Variants in KCND2 observed in about 807,000 individuals in gnomAD.
KCND2 encodes the protein A-type voltage-gated potassium channel KCND2.
A neutral mutation model predicts 54.4 loss-of-function variants in KCND2; 16 were observed. The ratio of observed to expected loss-of-function variants is 0.29; its 90% CI spans 0.20 to 0.45. The LOEUF (loss-of-function observed/expected upper bound fraction) is 0.45, where lower values mean the gene tolerates loss of function less well. KCND2 is among the 20% of genes least tolerant of loss of function. The pLI is 1.00. For synonymous variants in KCND2, 317 were observed against 310.7 expected (o/e 1.02, Z -0.21); for missense variants, 486 against 824.2 (o/e 0.59, Z 5.02).
At chr7:120,505,298 A>G (rs538827983) in intron 1 of KCND2, among the ~76,000 whole-genome samples, 1 of 151,856 alleles carries the variant, frequency 6.6e-6, no homozygotes, top group Admixed American at 6.6e-5. Context: ...CATCTATCTT[A>G]GGAATCTTCA....
intron 1 of KCND2, among the ~76,000 whole-genome samples, chr7:120,644,282 A>G (rs1793411338): frequency 6.6e-6 from 1 of 152,306 alleles, no homozygotes; most frequent in East Asian, 1.9e-4. Context: ...ACTCTCCTGG[A>G]AAATGTTCTG....
intron 4 of KCND2, among the ~76,000 whole-genome samples, chr7:120,745,146 C>A (rs1038272542): frequency 6.6e-6 from 1 of 152,066 alleles, no homozygotes; most frequent in East Asian, 1.9e-4. Context: ...AATGCTAATC[C>A]CTTCTGGGTC....
intron 1 of KCND2, among the ~76,000 whole-genome samples, chr7:120,302,696 C>T (rs1182338769): frequency 6.6e-6 from 1 of 152,112 alleles, no homozygotes; most frequent in African/African-American, 2.4e-5. Flanking sequence ...ATTTGTGTCA[C>T]AATATAAAAT....
intron 1 of KCND2, among the ~76,000 whole-genome samples, chr7:120,287,189 A>G (rs1799358105): frequency 6.6e-6 from 1 of 152,134 alleles, no homozygotes; most frequent in African/African-American, 2.4e-5. Flanking sequence ...TATACCATAT[A>G]CAAATTTTTA....
intron 1 of KCND2, among the ~76,000 whole-genome samples, chr7:120,668,824 TTGA>T (rs1791958311): frequency 6.6e-6 from 1 of 152,052 alleles, no homozygotes; most frequent in Non-Finnish European, 1.5e-5. Flanking sequence ...ACAGTGCTCG[TTGA>T]TATTTATGAT....
chr7:120,693,464 G>T (rs1792296932), intron 1 of KCND2, among the ~76,000 whole-genome samples: 1 of 151,802 alleles, frequency 6.6e-6, no homozygotes, highest in Non-Finnish European at 1.5e-5. Flanking sequence ...CTTAGCAAAT[G>T]GGAAGTATTT....
chr7:120,354,692 A>T (rs1303415542), intron 1 of KCND2, among the ~76,000 whole-genome samples: 1 of 152,224 alleles, frequency 6.6e-6, no homozygotes, highest in Admixed American at 6.5e-5. Context: ...TCAAGGATGC[A>T]GTGAGCTATG....
At chr7:120,621,252 G>A (rs1244625509) in intron 1 of KCND2, among the ~76,000 whole-genome samples, 3 of 138,976 alleles carry the variant, frequency 2.2e-5, no homozygotes, top group Non-Finnish European at 4.5e-5. Flanking sequence ...CATCCAGCCT[G>A]GGCGACAGAG....
intron 1 of KCND2, among the ~76,000 whole-genome samples, chr7:120,613,364 C>G (rs1792980468): frequency 6.6e-6 from 1 of 152,126 alleles, no homozygotes. Flanking sequence ...ACCCCGGTCT[C>G]TACTAAAAAT....
chr7:120,321,792 A>G (rs1046087331), intron 1 of KCND2, among the ~76,000 whole-genome samples: 7 of 152,082 alleles, frequency 4.6e-5, no homozygotes, highest in African/African-American at 1.7e-4. Context: ...TAAGTCTTTT[A>G]TAAAAGAAAC....
At chr7:120,314,867 A>G (rs993801396) in intron 1 of KCND2, among the ~76,000 whole-genome samples, 1 of 152,156 alleles carries the variant, frequency 6.6e-6, no homozygotes, top group East Asian at 1.9e-4. Context: ...GTTAAATTTC[A>G]TCTCCTCATT....
Position 120,540,905 on chromosome 7 carries a change from T to C in KCND2, c.1116-191998T>C, listed in dbSNP as rs1791971911. On this transcript the variant is annotated intron_variant, in intron 1 of 5. Transcript: ENST00000331113. ...AAAATATTTTGTAAGAGTGTAATGTTAACTTACTGACTTGATAGTTTCAGA... is the reference window on the plus strand; with the variant it reads ...AAAATATTTTGTAAGAGTGTAATGTCAACTTACTGACTTGATAGTTTCAGA... Among the ~76,000 whole-genome samples, 9 of 152,244 alleles carry C rather than the reference T, an allele frequency of 5.9e-5. No homozygotes were observed. In the South Asian group the frequency reaches 1.9e-3, roughly 32 times the overall value.
rs1045626760 is a variant in KCND2, at chr7:120,576,128, T to A, written c.1116-156775T>A. The stretch of plus-strand genomic sequence containing the variant: ...CTATCTCACTACAACCATTTTGATA[T>A]AGTCTTCTTCAGCAATTTTTCAGTT... On this transcript the variant is annotated intron_variant, in intron 1 of 5. Coordinates refer to ENST00000331113, the MANE Select transcript of KCND2 (RefSeq NM_012281.3). 1.4e-4 allele frequency among the ~76,000 whole-genome samples: 21 copies of A among 152,146 alleles called. No homozygotes were observed. In the South Asian group the frequency reaches 2.1e-3, roughly 15 times the overall value.
chr7:120,295,714 A>T (rs1236754299), intron 1 of KCND2, among the ~76,000 whole-genome samples: 1 of 152,098 alleles, frequency 6.6e-6, no homozygotes, highest in Non-Finnish European at 1.5e-5. Context: ...AATTCTACTA[A>T]GATTTTTACC....
chr7:120,304,910 C>T (rs181337975), intron 1 of KCND2, among the ~76,000 whole-genome samples: 12 of 152,202 alleles, frequency 7.9e-5, no homozygotes, highest in Admixed American at 7.9e-4. Context: ...TTCACTGCAC[C>T]GAGTCTGCTA....
At chr7:120,535,252 C>T (rs1026105773) in intron 1 of KCND2, among the ~76,000 whole-genome samples, 2 of 152,122 alleles carry the variant, frequency 1.3e-5, no homozygotes, top group African/African-American at 4.8e-5. Flanking sequence ...ACATACATAG[C>T]TTCAGAACGT....
At chr7:120,541,503 G>A (rs556718854) in intron 1 of KCND2, among the ~76,000 whole-genome samples, 5 of 152,218 alleles carry the variant, frequency 3.3e-5, no homozygotes, top group African/African-American at 9.6e-5. Context: ...AGGACCTTGT[G>A]AAAGAAAGAC....
intron 1 of KCND2, among the ~76,000 whole-genome samples, chr7:120,580,637 T>G (rs1163127901): frequency 6.6e-6 from 1 of 152,262 alleles, no homozygotes; most frequent in African/African-American, 2.4e-5. Context: ...TCACTTTTTC[T>G]TAGAACTTGT....
chr7:120,379,368 A>G (rs2116021630), intron 1 of KCND2, among the ~76,000 whole-genome samples: 1 of 152,176 alleles, frequency 6.6e-6, no homozygotes, highest in South Asian at 2.1e-4. Context: ...TAAATTAGAT[A>G]GTGTGTCCTG....
Sources: allele counts gnomAD v4.1 joint callset (sites outside exome capture counted in the v4.1 genomes callset), GRCh38; gene constraint gnomAD v4.1.1; transcripts MANE v1.5; gene names NCBI Gene and HGNC (gene_info 2026-07-23, HGNC 2026-07-21).